Variants in NBPF3 observed in about 807,000 individuals in gnomAD.
The protein encoded by NBPF3 is NBPF member 3.
In NBPF3, 57 loss-of-function variants were observed where a neutral mutation model predicts 78.1. The ratio of observed to expected loss-of-function variants is 0.73; its 90% confidence interval spans 0.59 to 0.91. NBPF3 has a LOEUF of 0.91. Among genes scored for constraint, NBPF3 ranks in the 40% least tolerant of loss-of-function variants. The pLI is 0.00. For synonymous variants in NBPF3, 182 were observed against 271.7 expected, an observed-to-expected ratio of 0.67 and a Z score of 3.25; for missense variants, 510 against 715.3, an observed-to-expected ratio of 0.71 and a Z score of 3.27.
At position 21,478,194 on chromosome 1, in the gene NBPF3, A is replaced by ACC; in HGVS notation, c.1043_1044insCC (p.Glu348AspfsTer27). On this transcript the variant is annotated frameshift_variant, in exon 9 of 15. Transcript: ENST00000318249. LOFTEE classifies it high-confidence loss of function. Reference sequence around the variant, plus strand: ...GAAGCCCCCCAGGAGTCCTGGGATGAAGGTGATTGGACTCTCTCAATTCCT... The same window carrying ACC: ...GAAGCCCCCCAGGAGTCCTGGGATGACCAGGTGATTGGACTCTCTCAATTCCT... 6.2e-7 allele frequency: 1 copy of ACC among 1,614,172 alleles called. No individual in the cohort carries two copies. Among genetic ancestry groups the ACC allele is most frequent in the Non-Finnish European group, 8.5e-7 (1 of 1,180,038 alleles).
In NBPF3 at chr1:21,478,260, T is replaced by A. The variant is rs1271936926; in HGVS notation, c.1109T>A (p.Phe370Tyr). Residue 370 changes from phenylalanine to tyrosine, a missense_variant, in exon 9 of 15, where the codon TTT becomes TAT. By Grantham distance (22) the Phe-to-Tyr change is conservative. Coordinates refer to ENST00000318249, the MANE Select transcript of NBPF3 (RefSeq NM_032264.6). Reference protein sequence around the residue: ...SASYQSDRSTFHSVEEQQVGL... With the variant: ...SASYQSDRSTYHSVEEQQVGL... ...TCATACCAGTCTGACAGGAGCACCT[T>A]TCACTCAGTAGAGGAACAGCAAGTC... 6.2e-7 allele frequency: 1 copy of A among 1,614,194 alleles called. No homozygotes were observed. The highest frequency in any genetic ancestry group is 8.5e-7 in the Non-Finnish European group (1 of 1,180,036).
chr1:21,479,818 CTCTGTGTGTGTG>C (rs1188776388), intron 10 of NBPF3, among the ~76,000 whole-genome samples: 3 of 43,896 alleles, frequency 6.8e-5, no homozygotes, highest in African/African-American at 1.4e-4. Flanking sequence ...CTCTCTCTCT[CTCTGTGTGTGTG>C]TGTGTGTGTG....
Position 21,483,130 on chromosome 1 carries a change from T to C in NBPF3, c.1659-13T>C. The C allele has an allele frequency of 2.5e-6, 4 of 1,612,308 alleles. No homozygotes were observed. Among genetic ancestry groups the C allele is most frequent in the Non-Finnish European group, 3.4e-6 (4 of 1,179,602 alleles). On this transcript the variant is annotated splice_polypyrimidine_tract_variant and intron_variant, in intron 14 of 14. Transcript: ENST00000318249. The stretch of plus-strand genomic sequence containing the variant: ...TTCCCTGGCTGCTTCTTTAGTTTTG[T>C]CTCCTTTTCCAGGCTCAACGAGGTG...
intron 9 of NBPF3, among the ~76,000 whole-genome samples, 154 bp from the exon 10 acceptor site, chr1:21,479,195 C>T (rs1266158261): frequency 1.3e-5 from 2 of 152,278 alleles, no homozygotes; most frequent in African/African-American, 4.8e-5. Flanking sequence ...TCTCTCAAGA[C>T]TTGCCCTCAG....
At chr1:21,439,501 T>A (rs1384100941), upstream of NBPF3, among the ~76,000 whole-genome samples, 11 of 145,850 alleles carry the variant, frequency 7.5e-5, no homozygotes, top group African/African-American at 2.5e-4. Context: ...AAAAAAAAAA[T>A]AAAAATAAAA....
chr1:21,455,055 CCT>C (rs1397188959), intron 2 of NBPF3, among the ~76,000 whole-genome samples: 1 of 152,136 alleles, frequency 6.6e-6, no homozygotes, highest in East Asian at 1.9e-4. Context: ...CAGCCAGGGG[CCT>C]CTCGCTGCTC....
At chr1:21,437,224 AG>A (rs1640442666), upstream of NBPF3, among the ~76,000 whole-genome samples, 4 of 151,660 alleles carry the variant, frequency 2.6e-5, no homozygotes, top group African/African-American at 9.7e-5. Context: ...GAGTGGAACC[AG>A]GATGCAAGGG....
intron 1 of NBPF3, among the ~76,000 whole-genome samples, chr1:21,444,003 G>A (rs1200831758): frequency 6.6e-6 from 1 of 152,052 alleles, no homozygotes; most frequent in Non-Finnish European, 1.5e-5. Flanking sequence ...ATTCATTGTT[G>A]TTATTATGAT....
chr1:21,440,975 C>CCTGT (rs576784623), intron 1 of NBPF3: 118 of 152,390 alleles, frequency 7.7e-4, no homozygotes, highest in African/African-American at 2.2e-3. Context: ...TTTCCCTGTG[C>CCTGT]CTGTCTGTCT....
chr1:21,473,508 A>C lies in NBPF3; in HGVS notation c.863A>C (p.Glu288Ala). The C allele has an allele frequency of 6.2e-7, 1 of 1,614,216 alleles. No individual in the cohort carries two copies. The highest frequency in any genetic ancestry group is 8.5e-7 in the Non-Finnish European group (1 of 1,180,038). Residue 288 changes from glutamate (E) to alanine (A), a missense_variant, in exon 7 of 15, where the codon GAG becomes GCG. Glu to Ala is a moderately radical substitution (Grantham distance 107). Around this residue, in one of 5 missense-constraint regions of NBPF3, gnomAD observed 440 missense variants for 478.2 expected, o/e 0.92. Coordinates refer to ENST00000318249, the MANE Select transcript of NBPF3 (RefSeq NM_032264.6). ...TACGGGAACACCAGAATCACATTTG[A>C]GGAAGACCAAGTCGACTCAACTCTC... ...QPYGNTRITFEEDQVDSTLID... is the reference protein window; with the variant it reads ...QPYGNTRITFAEDQVDSTLID...
intron 2 of NBPF3, among the ~76,000 whole-genome samples, chr1:21,457,170 G>GTGTC (rs1160594480): frequency 2.7e-5 from 4 of 149,254 alleles, no homozygotes; most frequent in Non-Finnish European, 5.9e-5. Context: ...TGGCTCACGT[G>GTGTC]TGTGTGTGTG....
chr1:21,472,292 C>G (rs1265655679), intron 5 of NBPF3, among the ~76,000 whole-genome samples: 1 of 152,108 alleles, frequency 6.6e-6, no homozygotes, highest in Non-Finnish European at 1.5e-5. Flanking sequence ...GAGATAAAGC[C>G]CCTCGCCATG....
intron 2 of NBPF3, among the ~76,000 whole-genome samples, chr1:21,452,151 CAA>C (rs968393978): frequency 6.6e-6 from 1 of 152,164 alleles, no homozygotes; most frequent in Non-Finnish European, 1.5e-5. Context: ...GGTTTTATTG[CAA>C]AGTGTTGCCT....
chr1:21,466,232 C>A, intron 2 of NBPF3: 2 of 423,054 alleles, frequency 4.7e-6, no homozygotes, highest in Non-Finnish European at 6.3e-6. Context: ...AAGATAAAAT[C>A]AAAAGTTTGT....
chr1:21,437,824 T>G (rs1640455439), upstream of NBPF3, among the ~76,000 whole-genome samples: 2 of 31,986 alleles, frequency 6.3e-5, no homozygotes, highest in African/African-American at 1.7e-4. Context: ...CTGGCTAATT[T>G]TTTTTTTTTT....
intron 2 of NBPF3, chr1:21,449,882 A>T (rs1641205829): frequency 1.5e-6 from 1 of 672,514 alleles, no homozygotes; most frequent in Non-Finnish European, 1.8e-6. Flanking sequence ...TGAAACAGCC[A>T]CATAAAGTTG....
intron 8 of NBPF3, among the ~76,000 whole-genome samples, chr1:21,475,996 A>C (rs556147165): frequency 1.3e-5 from 2 of 152,236 alleles, no homozygotes; most frequent in South Asian, 4.2e-4. Context: ...TTAGCTTTTC[A>C]TGTTGAATTG....
chr1:21,445,733 T>C (rs1640932373), intron 2 of NBPF3, among the ~76,000 whole-genome samples: 1 of 152,094 alleles, frequency 6.6e-6, no homozygotes, highest in Non-Finnish European at 1.5e-5. Flanking sequence ...CAGTTGCCAG[T>C]ATAATGGGTT....
intron 2 of NBPF3, chr1:21,453,678 G>A (rs1419993171): frequency 6.6e-6 from 1 of 152,212 alleles, no homozygotes; most frequent in Non-Finnish European, 1.5e-5. Context: ...GTCTGGGAAT[G>A]TAATGGATGG....
Sources: gnomAD v4.1 joint callset for allele counts (sites outside exome capture counted in the v4.1 genomes callset) on GRCh38, gnomAD v4.1.1 for gene constraint, gnomAD v4.1.1 regional missense constraint, MANE v1.5 for transcripts, NCBI Gene and HGNC (gene_info 2026-07-23, HGNC 2026-07-21) for gene names.